SHISA9: variants seen among roughly 807,000 people sequenced by gnomAD.
The protein encoded by SHISA9 is shisa family member 9, also known as protein shisa-9.
In SHISA9, 13 loss-of-function variants were observed where a neutral mutation model predicts 38.0. The observed-to-expected ratio is 0.34, with a 90% confidence interval of 0.22 to 0.54. The LOEUF is 0.54. Ranked by LOEUF, SHISA9 falls within the 20% of genes least tolerant of loss-of-function variation. SHISA9 has a pLI of 0.91. For synonymous variants in SHISA9, 275 were observed against 242.0 expected (o/e 1.14, Z -1.27); for missense variants, 538 against 575.8 (o/e 0.93, Z 0.67).
chr16:13,019,948 T>G lies in SHISA9; in HGVS notation c.691+103133T>G, dbSNP rs1433503876. Among the ~76,000 whole-genome samples the G allele has an allele frequency of 6.9e-3, 404 of 58,424 alleles. 25 individuals are homozygous for G. The highest frequency in any genetic ancestry group is 0.012 in the Non-Finnish European group (324 of 26,190). 38.3% of individuals were successfully genotyped at this position (58,424 alleles called of 152,430 possible). ...CTTTCTTTCTTTCTTTCTTTCTTTCTTTCTTTCTTTCCCTCCTTCTTTCCT... is the reference window on the plus strand; with the variant it reads ...CTTTCTTTCTTTCTTTCTTTCTTTCGTTCTTTCTTTCCCTCCTTCTTTCCT... On this transcript the variant is annotated intron_variant, in intron 2 of 4. Transcript: ENST00000558583.
intron 4 of SHISA9, among the ~76,000 whole-genome samples, chr16:13,220,019 G>C (rs1041618215): frequency 6.6e-6 from 1 of 152,154 alleles, no homozygotes; most frequent in African/African-American, 2.4e-5. Flanking sequence ...GGCTCTTCTT[G>C]GAAGTATGGT....
chr16:13,248,704 A>G, the SHISA9 span, among the ~76,000 whole-genome samples: 1 of 152,316 alleles, frequency 6.6e-6, no homozygotes, highest in African/African-American at 2.4e-5. Context: ...ACTCCCACCC[A>G]TTAGGAACCA....
chr16:12,994,103 CT>C (rs2072425894), intron 2 of SHISA9, among the ~76,000 whole-genome samples: 1 of 152,172 alleles, frequency 6.6e-6, no homozygotes, highest in African/African-American at 2.4e-5. Context: ...GAATTTGGGT[CT>C]TTCCTGAGTG....
chr16:13,420,035 C>G, the SHISA9 span, among the ~76,000 whole-genome samples: 1 of 152,012 alleles, frequency 6.6e-6, no homozygotes, highest in Non-Finnish European at 1.5e-5. Context: ...CACCTGAAGT[C>G]AGTAGTTCAA....
the SHISA9 span, among the ~76,000 whole-genome samples, chr16:13,273,217 C>A: frequency 2.3e-4 from 35 of 152,206 alleles, no homozygotes; most frequent in Non-Finnish European, 4.7e-4. Context: ...AAAAGAGATT[C>A]TACACTCCTG....
At chr16:13,019,082 C>T (rs1056824795) in intron 2 of SHISA9, among the ~76,000 whole-genome samples, 3 of 152,178 alleles carry the variant, frequency 2.0e-5, no homozygotes, top group African/African-American at 7.2e-5. Flanking sequence ...TGATTGCAAC[C>T]TCCACCTCCC....
the SHISA9 span, among the ~76,000 whole-genome samples, chr16:13,432,472 T>G: frequency 3.3e-5 from 5 of 152,334 alleles, no homozygotes; most frequent in Non-Finnish European, 5.9e-5. Context: ...TATTCTAAAG[T>G]ATTCCAGAGT....
chr16:13,509,943 C>T, the SHISA9 span, among the ~76,000 whole-genome samples: 4 of 152,160 alleles, frequency 2.6e-5, no homozygotes, highest in Admixed American at 6.5e-5. Flanking sequence ...TAGCCTCCAC[C>T]TCACCTTACA....
chr16:13,551,415 A>C, the SHISA9 span, among the ~76,000 whole-genome samples: 3 of 152,214 alleles, frequency 2.0e-5, no homozygotes, highest in Admixed American at 2.0e-4. Flanking sequence ...GTTTGTAAGT[A>C]CATGAGTACA....
chr16:13,514,000 AAAATAT>A, the SHISA9 span, among the ~76,000 whole-genome samples: 1 of 126,002 alleles, frequency 7.9e-6, no homozygotes, highest in Non-Finnish European at 1.8e-5. Flanking sequence ...AAAATAAAAT[AAAATAT>A]TTTTTTTTAA....
intron 2 of SHISA9, among the ~76,000 whole-genome samples, chr16:13,071,290 G>T (rs1002640502): frequency 6.6e-6 from 1 of 152,108 alleles, no homozygotes; most frequent in Non-Finnish European, 1.5e-5. Context: ...CCCATACTAG[G>T]GATAAGAATC....
At chr16:13,062,489 T>C (rs561497158) in intron 2 of SHISA9, among the ~76,000 whole-genome samples, 3 of 152,252 alleles carry the variant, frequency 2.0e-5, no homozygotes, top group African/African-American at 7.2e-5. Context: ...AGGGGTCCTT[T>C]TGGGTCTTGA....
At chr16:13,533,809 A>G in the SHISA9 span, among the ~76,000 whole-genome samples, 1 of 138,028 alleles carries the variant, frequency 7.2e-6, no homozygotes, top group Non-Finnish European at 1.5e-5. Context: ...TTTGAGACAG[A>G]GTCTCGCTGT....
the SHISA9 span, among the ~76,000 whole-genome samples, chr16:13,312,938 T>G: frequency 6.6e-6 from 1 of 152,084 alleles, no homozygotes; most frequent in Admixed American, 6.6e-5. Context: ...GATAACAAGA[T>G]GAGGCCCTTA....
intron 4 of SHISA9, among the ~76,000 whole-genome samples, chr16:13,234,183 T>G (rs1380257078): frequency 6.6e-6 from 1 of 152,196 alleles, no homozygotes; most frequent in Non-Finnish European, 1.5e-5. Context: ...ATTTTGATAG[T>G]TCCACTCAAT....
intron 2 of SHISA9, among the ~76,000 whole-genome samples, chr16:12,971,044 CAGG>C (rs60551026): frequency 0.025 from 3,759 of 152,250 alleles, 164 homozygotes; most frequent in African/African-American, 0.086. Flanking sequence ...GGAATTTGGA[CAGG>C]AGAAGAACCA....
intron 2 of SHISA9, among the ~76,000 whole-genome samples, chr16:13,075,169 A>G (rs1470220575): frequency 6.6e-6 from 1 of 152,086 alleles, no homozygotes; most frequent in Non-Finnish European, 1.5e-5. Flanking sequence ...CAGCTACCCA[A>G]CTCCCATCTG....
intron 2 of SHISA9, among the ~76,000 whole-genome samples, chr16:13,100,706 G>A (rs896964259): frequency 2.0e-5 from 3 of 152,046 alleles, no homozygotes; most frequent in Non-Finnish European, 4.4e-5. Context: ...CTACGAGTTT[G>A]GCTATTTATT....
chr16:13,091,200 A>G (rs972599967), intron 2 of SHISA9, among the ~76,000 whole-genome samples: 1 of 152,160 alleles, frequency 6.6e-6, no homozygotes. Flanking sequence ...CTTTGTGGGT[A>G]ACTCGACCTT....
Sources: gnomAD v4.1 joint callset for allele counts (sites outside exome capture counted in the v4.1 genomes callset) on GRCh38, gnomAD v4.1.1 for gene constraint, MANE v1.5 for transcripts, NCBI Gene and HGNC (gene_info 2026-07-23, HGNC 2026-07-21) for gene names.